Variants in CASK observed in about 807,000 individuals in gnomAD.
CASK encodes peripheral plasma membrane protein CASK.
A neutral mutation model predicts 82.9 loss-of-function variants in CASK; 4 were observed. The observed-to-expected ratio is 0.05, with a 90% CI of 0.02 to 0.11. The LOEUF (loss-of-function observed/expected upper bound fraction) is 0.11. Ranked by LOEUF, CASK falls within the 10% of genes least tolerant of loss-of-function variation. The probability of loss-of-function intolerance (pLI) is 1.00; values close to 1 mark genes in which losing one functional copy is unlikely to be tolerated. For synonymous variants in CASK, 259 were observed against 253.5 expected (o/e 1.02, Z -0.20); for missense variants, 358 against 720.9 (o/e 0.50, Z 5.76).
At chrX:41,529,388 A>AGCAGCG (rs2064764755) in intron 25 of CASK, 2 of 178,666 alleles carry the variant, frequency 1.1e-5, no homozygotes, top group Non-Finnish European at 2.1e-5. Flanking sequence ...GAGCAGCAGC[A>AGCAGCG]GCAGCGGCAG....
At chrX:41,841,814 G>A (rs568414600) in intron 2 of CASK, among the ~76,000 whole-genome samples, 17 of 111,771 alleles carry the variant, frequency 1.5e-4, no homozygotes, top group South Asian at 3.7e-4. Context: ...GAGCCACCAC[G>A]CCTAGCCTCT....
At chrX:41,915,919 C>A (rs1468475329) in intron 1 of CASK, among the ~76,000 whole-genome samples, 1 of 111,383 alleles carries the variant, frequency 9.0e-6, no homozygotes, top group African/African-American at 3.3e-5. Context: ...ACCTGGGAGG[C>A]GGAGCTTGCA....
At chrX:41,814,874 A>G (rs1221864200) in intron 2 of CASK, among the ~76,000 whole-genome samples, 1 of 112,204 alleles carries the variant, frequency 8.9e-6, no homozygotes, top group Non-Finnish European at 1.9e-5. Flanking sequence ...AACAAATATT[A>G]TCAGGCACTG....
At chrX:41,545,189 C>A (rs1466084446) in intron 21 of CASK, among the ~76,000 whole-genome samples, 1 of 111,073 alleles carries the variant, frequency 9.0e-6, no homozygotes, top group Non-Finnish European at 1.9e-5. Context: ...CCATGCCTGG[C>A]TAATTTTTGT....
chrX:41,598,485 G>A (rs2065854003), intron 12 of CASK, among the ~76,000 whole-genome samples: 1 of 110,764 alleles, frequency 9.0e-6, no homozygotes, highest in Admixed American at 9.6e-5. Context: ...CTGAGTAGAT[G>A]GGATTACAGG....
intron 16 of CASK, among the ~76,000 whole-genome samples, chrX:41,564,678 GACAGAAGGTTA>G (rs1024740036): frequency 1.8e-5 from 2 of 112,025 alleles, no homozygotes; most frequent in Admixed American, 9.5e-5. Flanking sequence ...AGATCAATGA[GACAGAAGGTTA>G]ACAAGGACAT....
intron 5 of CASK, among the ~76,000 whole-genome samples, chrX:41,711,269 A>ATTGC (rs753589677): frequency 9.8e-5 from 11 of 111,707 alleles, no homozygotes; most frequent in Non-Finnish European, 1.3e-4. Flanking sequence ...CAACTGCAGA[A>ATTGC]TTGCTTGCTT....
At chrX:41,602,184 G>A (rs921715467) in intron 12 of CASK, among the ~76,000 whole-genome samples, 10 of 111,740 alleles carry the variant, frequency 8.9e-5, no homozygotes, top group African/African-American at 3.2e-4. Flanking sequence ...GGACTGCACT[G>A]AATCTATAGA....
At chrX:41,723,604 G>A (rs1014467112) in intron 5 of CASK, among the ~76,000 whole-genome samples, 3 of 111,194 alleles carry the variant, frequency 2.7e-5, no homozygotes, top group African/African-American at 9.8e-5. Context: ...GAAACAGAGT[G>A]GGTTAACTCA....
intron 2 of CASK, among the ~76,000 whole-genome samples, chrX:41,852,019 T>C (rs1049138309): frequency 9.0e-6 from 1 of 111,537 alleles, no homozygotes; most frequent in East Asian, 2.8e-4. Flanking sequence ...AAAGCAATAA[T>C]AGCCAATTCT....
intron 12 of CASK, among the ~76,000 whole-genome samples, chrX:41,603,520 A>C (rs987076205): frequency 9.8e-5 from 11 of 112,507 alleles, no homozygotes; most frequent in African/African-American, 3.5e-4. Flanking sequence ...AGTATCAGTT[A>C]ATTGCTAATG....
chrX:41,685,331 A>T (rs1171225129), intron 5 of CASK, among the ~76,000 whole-genome samples: 1 of 112,042 alleles, frequency 8.9e-6, no homozygotes, highest in Non-Finnish European at 1.9e-5. Flanking sequence ...TTTCTTCCCC[A>T]TTGGTAACTA....
At chrX:41,627,164 G>A (rs1179327019) in intron 9 of CASK, among the ~76,000 whole-genome samples, 2 of 112,074 alleles carry the variant, frequency 1.8e-5, no homozygotes, top group Non-Finnish European at 3.8e-5. Context: ...AGGATTATGT[G>A]TCATTTTTCT....
At chrX:41,735,849 C>A (rs1456260932) in intron 5 of CASK, among the ~76,000 whole-genome samples, 1 of 111,352 alleles carries the variant, frequency 9.0e-6, no homozygotes, top group Non-Finnish European at 1.9e-5. Flanking sequence ...ACTTTGACCA[C>A]CATATTTACA....
At chrX:41,767,591 G>A (rs770588679) in intron 3 of CASK, among the ~76,000 whole-genome samples, 1 of 111,731 alleles carries the variant, frequency 9.0e-6, no homozygotes, top group East Asian at 2.8e-4. Context: ...GCATTTAGTC[G>A]TCAAGATTCC....
At chrX:41,902,022 G>A (rs760025204) in intron 1 of CASK, among the ~76,000 whole-genome samples, 53 of 111,051 alleles carry the variant, frequency 4.8e-4, no homozygotes, top group African/African-American at 1.6e-3. Flanking sequence ...GCCCGGATCC[G>A]CCAGGGTGAG....
intron 3 of CASK, among the ~76,000 whole-genome samples, chrX:41,746,691 C>T (rs2068692951): frequency 9.0e-6 from 1 of 111,722 alleles, no homozygotes; most frequent in South Asian, 3.7e-4. Flanking sequence ...TCCCAATATA[C>T]CTGCTGCAGA....
rs767749081 is a variant in CASK at position 41,838,850 on chromosome X, G to A, written c.172+14265C>T. ...TTATAGGGCATGAGGTTTAAATTGA[G>A]GTTCATTTTTGGCCTATGGATGTCC... On this transcript the variant is annotated intron_variant, in intron 2 of 26. Transcript: ENST00000378163. 6.3e-5 allele frequency among the ~76,000 whole-genome samples: 7 copies of A among 111,443 alleles called. No homozygotes were observed. In the East Asian group the frequency reaches 2.0e-3, roughly 31 times the overall value.
intron 5 of CASK, among the ~76,000 whole-genome samples, chrX:41,678,878 A>G (rs2067308692): frequency 9.1e-6 from 1 of 110,041 alleles, no homozygotes; most frequent in South Asian, 4.0e-4. Flanking sequence ...CTTAGCACAC[A>G]TATCATTGAA....
Sources: allele counts gnomAD v4.1 joint callset (sites outside exome capture counted in the v4.1 genomes callset), GRCh38; gene constraint gnomAD v4.1.1; transcripts MANE v1.5; gene names NCBI Gene and HGNC (gene_info 2026-07-23, HGNC 2026-07-21).